The following PTCHD1 variants were observed in gnomAD, a reference collection of about 807,000 sequenced individuals.
The protein encoded by PTCHD1 is patched domain-containing protein 1.
PTCHD1 carries 3 observed loss-of-function variants against 34.6 expected under a neutral mutation model. That is an observed-to-expected ratio of 0.09 (90% CI 0.04 to 0.22). PTCHD1 has a LOEUF of 0.22. Ranked by LOEUF, PTCHD1 falls within the 10% of genes least tolerant of loss-of-function variation. The probability of loss-of-function intolerance (pLI) is 1.00; values close to 1 mark genes in which losing one functional copy is unlikely to be tolerated. For missense variants in PTCHD1, 504 were observed against 685.5 expected (o/e 0.74, Z 2.96); for synonymous variants, 305 against 283.1 (o/e 1.08, Z -0.77).
Position 23,396,860 on chromosome X carries a change from A to G in PTCHD1, c.*2675A>G, listed in dbSNP as rs1923002672. On this transcript the variant is annotated 3_prime_UTR_variant, in exon 3 of 3. Transcript: ENST00000379361. ...AGATAATTATTATTTATTTGTTAAT[A>G]CTGATTATTGATTATTGCTCTGCTG... 1 of 112,413 alleles carries G rather than the reference A, an allele frequency of 8.9e-6. No homozygotes were observed. Among genetic ancestry groups the G allele is most frequent in the East Asian group, 2.8e-4 (1 of 3,599 alleles). 9.3% of individuals were successfully genotyped at this position (112,413 alleles called of 1,213,427 possible). A position where few individuals can be genotyped will look rare whatever the true frequency, so the allele number is the denominator to read the frequency against.
At chrX:23,392,058 TTTTC>T (rs1373201862) in intron 2 of PTCHD1, among the ~76,000 whole-genome samples, 13 of 81,062 alleles carry the variant, frequency 1.6e-4, no homozygotes, top group Admixed American at 9.5e-4. Flanking sequence ...TTTCTTTCTT[TTTTC>T]TTTCTTTCTT....
At chrX:23,387,201 C>T (rs1922705300) in intron 2 of PTCHD1, among the ~76,000 whole-genome samples, 1 of 112,212 alleles carries the variant, frequency 8.9e-6, no homozygotes, top group Non-Finnish European at 1.9e-5. Context: ...ACTTTATGAG[C>T]AACTTTCCAG....
Position 23,379,845 on chromosome X carries a change from G to A in PTCHD1, c.606G>A (p.Arg202=). ...GCGTCACTGTGCACAGCAAAGACCG[G>A]GTGAAATCTGCAGAGGCCATCCAGC... ...LGGVTVHSKD[R]VKSAEAIQLT... Residue 202 remains arginine (R), a synonymous_variant, in exon 2 of 3, where the codon CGG becomes CGA. Coordinates refer to ENST00000379361, the MANE Select transcript of PTCHD1 (RefSeq NM_173495.3). 6 of 1,211,595 alleles carry A rather than the reference G, an allele frequency of 5.0e-6. No individual in the cohort carries two copies. The highest frequency in any genetic ancestry group is 6.7e-6 in the Non-Finnish European group (6 of 895,439).
chrX:23,389,636 A>T (rs1032467491), intron 2 of PTCHD1, among the ~76,000 whole-genome samples: 3 of 111,877 alleles, frequency 2.7e-5, no homozygotes, highest in East Asian at 2.8e-4. Flanking sequence ...CTAGCAACAA[A>T]TGCTGAGTGA....
At chrX:23,373,910 T>C (rs997895010) in intron 1 of PTCHD1, among the ~76,000 whole-genome samples, 5 of 112,274 alleles carry the variant, frequency 4.5e-5, no homozygotes, top group African/African-American at 1.6e-4. Context: ...GCAGTTTTGA[T>C]TGTGTCACTT....
chrX:23,336,213 A>T (rs1921166228), intron 1 of PTCHD1, among the ~76,000 whole-genome samples: 1 of 112,126 alleles, frequency 8.9e-6, no homozygotes, highest in East Asian at 2.8e-4. Flanking sequence ...TAGAGATGGA[A>T]AAGTGGAGAC....
intron 1 of PTCHD1, among the ~76,000 whole-genome samples, chrX:23,371,050 G>A (rs980492581): frequency 9.0e-6 from 1 of 111,166 alleles, no homozygotes; most frequent in Non-Finnish European, 1.9e-5. Context: ...AGCTCAGGTA[G>A]GTGACTCACA....
At chrX:23,351,316 G>C (rs774988396) in intron 1 of PTCHD1, 95 of 862,134 alleles carry the variant, frequency 1.1e-4, no homozygotes, top group Non-Finnish European at 1.6e-4. Flanking sequence ...ACACAATTTT[G>C]CTTCATCATT....
At chrX:23,384,714 T>C (rs1399032552) in intron 2 of PTCHD1, among the ~76,000 whole-genome samples, 1 of 112,242 alleles carries the variant, frequency 8.9e-6, no homozygotes, top group African/African-American at 3.2e-5. Context: ...AGAATTTGCT[T>C]TCCTGATGAG....
intron 2 of PTCHD1, among the ~76,000 whole-genome samples, chrX:23,386,043 G>A (rs1371501799): frequency 9.1e-6 from 1 of 110,450 alleles, no homozygotes; most frequent in South Asian, 3.8e-4. Flanking sequence ...GTATATAGGA[G>A]TCCAACATTT....
rs1922899175 is a variant in PTCHD1 at position 23,393,766 on chromosome X, G to C, written c.2248G>C (p.Asp750His). 1 of 1,209,813 alleles carries C rather than the reference G, an allele frequency of 8.3e-7. No homozygotes were observed. ...GFMTLWKVEL[D>H]CISVLCLIYG... is the part of the protein sequence containing the mutation. ...CATGACATTATGGAAAGTAGAACTG[G>C]ACTGCATTTCTGTGCTATGCTTAAT... The change falls in exon 3 of 3, where the codon GAC becomes CAC. Residue 750 changes from aspartate to histidine, a missense_variant. Coordinates refer to ENST00000379361, the MANE Select transcript of PTCHD1 (RefSeq NM_173495.3).
At chrX:23,382,212 A>G (rs1021071216) in intron 2 of PTCHD1, among the ~76,000 whole-genome samples, 1 of 112,051 alleles carries the variant, frequency 8.9e-6, no homozygotes, top group South Asian at 3.7e-4. Flanking sequence ...TAGAATATTT[A>G]AAACTTGTGA....
intron 1 of PTCHD1, among the ~76,000 whole-genome samples, chrX:23,344,412 ACTG>A (rs1192184878): frequency 1.8e-5 from 2 of 112,493 alleles, no homozygotes; most frequent in African/African-American, 3.2e-5. Flanking sequence ...TTTGAAAATG[ACTG>A]CTATTTCCTC....
intron 1 of PTCHD1, among the ~76,000 whole-genome samples, chrX:23,357,854 C>A (rs1390187068): frequency 9.0e-6 from 1 of 111,207 alleles, no homozygotes; most frequent in Non-Finnish European, 1.9e-5. Flanking sequence ...TGTTCCCACC[C>A]TGTGTCCAAG....
chrX:23,357,659 T>TTAG (rs1396255048), intron 1 of PTCHD1, among the ~76,000 whole-genome samples: 2 of 99,798 alleles, frequency 2.0e-5, no homozygotes, highest in Non-Finnish European at 3.8e-5. Context: ...CACAGCTTTT[T>TTAG]TATTATTATT....
At chrX:23,339,069 G>T (rs1250593239) in intron 1 of PTCHD1, among the ~76,000 whole-genome samples, 3 of 111,701 alleles carry the variant, frequency 2.7e-5, no homozygotes, top group Non-Finnish European at 5.6e-5. Flanking sequence ...CAGGGTCCAG[G>T]TTGACTGAAC....
chrX:23,335,098 C>T lies in PTCHD1; in HGVS notation c.223C>T (p.Pro75Ser), dbSNP rs1427120931. Residue 75 changes from proline to serine, a missense_variant, in exon 1 of 3, where the codon CCG becomes TCG. By Grantham distance (74) the Pro-to-Ser change is moderately conservative (BLOSUM62 -1). Coordinates refer to ENST00000379361, the MANE Select transcript of PTCHD1 (RefSeq NM_173495.3). The stretch of plus-strand genomic sequence containing the variant: ...GCGCAACCTCGTTAACAGCCTCTTC[C>T]CGGTCAACCGCTCCAAGCACCGTCT... The part of the protein sequence containing the change: ...IERNLVNSLF[P>S]VNRSKHRLYS... The T allele has an allele frequency of 8.3e-7, 1 of 1,209,852 alleles. No individual in the cohort carries two copies. The highest frequency in any genetic ancestry group is 1.1e-6 in the Non-Finnish European group (1 of 894,960).
chrX:23,338,061 G>A (rs1018008521), intron 1 of PTCHD1, among the ~76,000 whole-genome samples: 1 of 111,533 alleles, frequency 9.0e-6, no homozygotes, highest in African/African-American at 3.3e-5. Context: ...GAGCTTTCTC[G>A]AATATGCGCA....
At chrX:23,387,671 C>T (rs1022146068) in intron 2 of PTCHD1, among the ~76,000 whole-genome samples, 2 of 111,785 alleles carry the variant, frequency 1.8e-5, no homozygotes, top group South Asian at 3.7e-4. Context: ...ACAAAAACCT[C>T]GAGCTGCCTC....
Sources: gnomAD v4.1 joint callset for allele counts (sites outside exome capture counted in the v4.1 genomes callset) on GRCh38, gnomAD v4.1.1 for gene constraint, MANE v1.5 for transcripts, NCBI Gene and HGNC (gene_info 2026-07-23, HGNC 2026-07-21) for gene names.